KALRN: variants seen among roughly 807,000 people sequenced by gnomAD.
KALRN encodes the protein kalirin.
KALRN carries 70 observed loss-of-function variants against 353.7 expected under a neutral mutation model. The observed-to-expected ratio is 0.20, with a 90% CI of 0.16 to 0.24. The LOEUF (loss-of-function observed/expected upper bound fraction) is 0.24, where lower values mean the gene tolerates loss of function less well. Among genes scored for constraint, KALRN ranks in the 10% least tolerant of loss-of-function variants. The pLI, the probability that KALRN is intolerant of heterozygous loss-of-function variation, is 1.00. For missense variants in KALRN, 2,791 were observed against 3,756.7 expected (o/e 0.74, Z 6.72); for synonymous variants, 1,391 against 1,434.8 (o/e 0.97, Z 0.69).
chr3:124,512,528 G>A (rs1228046937), intron 33 of KALRN, among the ~76,000 whole-genome samples: 2 of 152,192 alleles, frequency 1.3e-5, no homozygotes, highest in Non-Finnish European at 2.9e-5. Flanking sequence ...GCACACGCCT[G>A]TAATCCCAGC....
chr3:124,165,655 A>G (rs747064046), intron 1 of KALRN, among the ~76,000 whole-genome samples: 8 of 152,078 alleles, frequency 5.3e-5, no homozygotes, highest in Non-Finnish European at 1.2e-4. Context: ...TACAGTATAG[A>G]TTTCTTTATT....
intron 34 of KALRN, among the ~76,000 whole-genome samples, chr3:124,607,937 C>A (rs1394530798): frequency 6.6e-6 from 1 of 151,944 alleles, no homozygotes; most frequent in Non-Finnish European, 1.5e-5. Flanking sequence ...AACATTGTAT[C>A]CTGCTTTTTT....
chr3:124,648,973 C>G (rs2083078865), intron 37 of KALRN, among the ~76,000 whole-genome samples: 1 of 152,160 alleles, frequency 6.6e-6, no homozygotes, highest in Non-Finnish European at 1.5e-5. Flanking sequence ...TAACAACTTC[C>G]ATGGCTGATT....
chr3:124,081,338 C>CT (rs2060533063), intron 1 of KALRN, among the ~76,000 whole-genome samples: 1 of 152,320 alleles, frequency 6.6e-6, no homozygotes, highest in Admixed American at 6.5e-5. Context: ...AGTTGCCTGT[C>CT]TTACCTATAT....
chr3:124,163,669 T>A, intron 1 of KALRN: 1 of 984,666 alleles, frequency 1.0e-6, no homozygotes. Flanking sequence ...GAAGAATAAA[T>A]GTATAAATAT....
intron 5 of KALRN, among the ~76,000 whole-genome samples, chr3:124,286,062 T>TTTTC (rs1480123601): frequency 7.3e-6 from 1 of 136,334 alleles, no homozygotes; most frequent in Non-Finnish European, 1.6e-5. Flanking sequence ...CAGTGTGCTG[T>TTTTC]TTTCTTTCTT....
chr3:124,224,595 A>G (rs1438280758), intron 1 of KALRN, among the ~76,000 whole-genome samples: 1 of 152,168 alleles, frequency 6.6e-6, no homozygotes, highest in East Asian at 1.9e-4. Flanking sequence ...GCCTCATTGA[A>G]GTTCTTCCAT....
chr3:124,645,170 G>C (rs1444267746), intron 37 of KALRN, among the ~76,000 whole-genome samples: 3 of 152,020 alleles, frequency 2.0e-5, no homozygotes, highest in Non-Finnish European at 4.4e-5. Flanking sequence ...TTTTTGATGG[G>C]GTCGTTTGTT....
chr3:124,240,829 G>T (rs1399655862), intron 3 of KALRN, among the ~76,000 whole-genome samples: 1 of 152,066 alleles, frequency 6.6e-6, no homozygotes. Flanking sequence ...TTTTTATTTT[G>T]GGAAAATAAT....
At chr3:124,347,721 C>A (rs1378519087) in intron 10 of KALRN, among the ~76,000 whole-genome samples, 1 of 152,160 alleles carries the variant, frequency 6.6e-6, no homozygotes, top group Non-Finnish European at 1.5e-5. Flanking sequence ...AGTCCCAGCT[C>A]TATTTACAAA....
chr3:124,645,657 T>TGTG (rs1559756782), intron 37 of KALRN, among the ~76,000 whole-genome samples: 19 of 139,094 alleles, frequency 1.4e-4, no homozygotes, highest in African/African-American at 4.9e-4. Flanking sequence ...TCTCTCTCTC[T>TGTG]CTGTGCGTGT....
At chr3:124,401,650 G>A (rs1342990453) in intron 13 of KALRN, among the ~76,000 whole-genome samples, 3 of 152,198 alleles carry the variant, frequency 2.0e-5, no homozygotes, top group Non-Finnish European at 4.4e-5. Context: ...AAATGAGGGA[G>A]AGAAAAATCA....
At chr3:124,201,998 G>A (rs111323433) in intron 1 of KALRN, among the ~76,000 whole-genome samples, 9 of 152,282 alleles carry the variant, frequency 5.9e-5, no homozygotes, top group South Asian at 2.1e-4. Context: ...ATGCTGGGGC[G>A]GAGTGGGAAG....
intron 34 of KALRN, among the ~76,000 whole-genome samples, chr3:124,565,886 T>C (rs2072748785): frequency 6.6e-6 from 1 of 152,182 alleles, no homozygotes; most frequent in Admixed American, 6.5e-5. Flanking sequence ...GACTGGGGGT[T>C]GTCTCGACTA....
At chr3:124,385,960 A>G (rs1576487495) in intron 11 of KALRN, among the ~76,000 whole-genome samples, 1 of 152,148 alleles carries the variant, frequency 6.6e-6, no homozygotes, top group East Asian at 1.9e-4. Context: ...CTCAGGAAAA[A>G]AAAAATAGCC....
chr3:124,185,018 T>C (rs1349482766), intron 1 of KALRN, among the ~76,000 whole-genome samples: 2 of 152,098 alleles, frequency 1.3e-5, no homozygotes, highest in Non-Finnish European at 2.9e-5. Flanking sequence ...TGTTTGTTTG[T>C]TTTGTTTTGC....
chr3:124,367,452 A>C (rs1220270380), intron 10 of KALRN, among the ~76,000 whole-genome samples: 3 of 41,334 alleles, frequency 7.3e-5, no homozygotes, highest in Admixed American at 2.2e-4. Flanking sequence ...GCGGCTGGCC[A>C]GGCGGGGGGC....
chr3:124,293,267 C>T (rs1047566844), intron 5 of KALRN, among the ~76,000 whole-genome samples: 7 of 152,030 alleles, frequency 4.6e-5, no homozygotes, highest in Non-Finnish European at 8.8e-5. Flanking sequence ...ATATTTAATA[C>T]CAATGTAATC....
chr3:124,248,384 C>G (rs548222597), intron 3 of KALRN, among the ~76,000 whole-genome samples: 2 of 152,304 alleles, frequency 1.3e-5, no homozygotes, highest in Non-Finnish European at 1.5e-5. Context: ...GGGGGTTACC[C>G]AGGCCAGAGG....
Sources: allele counts gnomAD v4.1 joint callset (sites outside exome capture counted in the v4.1 genomes callset), GRCh38; gene constraint gnomAD v4.1.1; transcripts MANE v1.5; gene names NCBI Gene and HGNC (gene_info 2026-07-23, HGNC 2026-07-21).